SCAMP2: variants seen among roughly 807,000 people sequenced by gnomAD.
The protein encoded by SCAMP2 is secretory carrier-associated membrane protein 2.
A neutral mutation model predicts 44.1 loss-of-function variants in SCAMP2; 25 were observed. That is an observed-to-expected ratio of 0.57 (90% CI 0.41 to 0.79). SCAMP2 has a LOEUF of 0.79. Among genes scored for constraint, SCAMP2 ranks in the 30% least tolerant of loss-of-function variants. The probability of loss-of-function intolerance (pLI) is 0.00; values close to 1 mark genes in which losing one functional copy is unlikely to be tolerated. For missense variants in SCAMP2, 355 were observed against 411.0 expected (o/e 0.86, Z 1.18); for synonymous variants, 156 against 166.0 (o/e 0.94, Z 0.46).
chr15:74,857,555 A>G (rs2064475749), intron 1 of SCAMP2, among the ~76,000 whole-genome samples: 1 of 152,308 alleles, frequency 6.6e-6, no homozygotes, highest in East Asian at 1.9e-4. Flanking sequence ...CCACTCTGGT[A>G]GCAGTTTCAG....
intron 3 of SCAMP2, chr15:74,853,588 C>A (rs995371690): frequency 2.5e-6 from 1 of 396,610 alleles, no homozygotes; most frequent in Admixed American, 2.9e-5. Context: ...GAGCACCAGG[C>A]ACAAAGCAGG....
chr15:74,864,103 C>G (rs904208947), intron 1 of SCAMP2, among the ~76,000 whole-genome samples: 4 of 152,128 alleles, frequency 2.6e-5, no homozygotes, highest in African/African-American at 9.7e-5. Flanking sequence ...ACTCTGTCGT[C>G]CAGGCTGGAG....
At chr15:74,853,916 C>A in intron 3 of SCAMP2, 105 bp downstream of exon 3, 1 of 1,048,580 alleles carries the variant, frequency 9.5e-7, no homozygotes, top group Non-Finnish European at 1.5e-6. Flanking sequence ...CCTTAGGGGG[C>A]CAAGGCTGAA....
intron 1 of SCAMP2, among the ~76,000 whole-genome samples, chr15:74,867,606 G>C (rs1304371948): frequency 6.6e-6 from 1 of 152,302 alleles, no homozygotes; most frequent in East Asian, 1.9e-4. Flanking sequence ...GGTCAAGCTG[G>C]GGCCAACCCT....
intron 1 of SCAMP2, among the ~76,000 whole-genome samples, chr15:74,866,241 A>C (rs2064543470): frequency 1.3e-5 from 2 of 151,622 alleles, no homozygotes; most frequent in Non-Finnish European, 2.9e-5. Flanking sequence ...CTGGCCAAAC[A>C]AGCATGTGAG....
At chr15:74,849,011 G>A (rs186585607) in intron 6 of SCAMP2, among the ~76,000 whole-genome samples, 5 of 152,132 alleles carry the variant, frequency 3.3e-5, no homozygotes, top group East Asian at 3.9e-4. Flanking sequence ...CCAAGATCAC[G>A]CCACTGCACT....
At position 74,854,837 on chromosome 15, in the gene SCAMP2, C is replaced by A. The variant is rs554333984; in HGVS notation, c.58-188G>T. ...AGCTGCGGTCCCTTCTCCCTTCCCC[C>A]TTCCTGGAAAAGGTTCAGCCCAGAA... On this transcript the variant is annotated intron_variant, in intron 1 of 8. Transcript: ENST00000268099. Among the ~76,000 whole-genome samples the A allele has an allele frequency of 5.3e-5, 8 of 152,322 alleles. No homozygotes were observed. The South Asian group carries it at 1.5e-3, about 28-fold the overall frequency.
At chr15:74,856,306 G>A (rs183287691) in intron 1 of SCAMP2, among the ~76,000 whole-genome samples, 1,358 of 112,002 alleles carry the variant, frequency 0.012, 24 homozygotes, top group African/African-American at 0.045. Flanking sequence ...ACAGAGTCAC[G>A]CTCTGTCACC....
chr15:74,856,264 C>CTTTT (rs34812536), intron 1 of SCAMP2, among the ~76,000 whole-genome samples: 6 of 60,406 alleles, frequency 9.9e-5, no homozygotes, highest in African/African-American at 2.0e-4. Context: ...AGAGCCAGTT[C>CTTTT]TTTTTTTTTT....
intron 6 of SCAMP2, 118 bp downstream of exon 6, chr15:74,850,396 A>AC: frequency 1.0e-5 from 10 of 984,956 alleles, no homozygotes; most frequent in Non-Finnish European, 1.5e-5. Context: ...GGGAAAGTGG[A>AC]TTTCCCTACA....
Position 74,862,914 on chromosome 15 carries a change from A to G in SCAMP2, c.58-8265T>C, listed in dbSNP as rs1372711733. ...CACACACACATATTTTTAAAAAGAGAAAGAAAAAAAAATAGGCTGGACACA... is the reference window on the plus strand; with the variant it reads ...CACACACACATATTTTTAAAAAGAGGAAGAAAAAAAAATAGGCTGGACACA... On this transcript the variant is annotated intron_variant, in intron 1 of 8. Coordinates refer to ENST00000268099, the MANE Select transcript of SCAMP2 (RefSeq NM_005697.5). Among the ~76,000 whole-genome samples, 6 of 151,626 alleles carry G rather than the reference A, an allele frequency of 4.0e-5. No homozygotes were observed. The East Asian group carries it at 1.2e-3, about 29-fold the overall frequency.
At chr15:74,847,455 A>G (rs537797934) in intron 7 of SCAMP2, among the ~76,000 whole-genome samples, 60 of 152,312 alleles carry the variant, frequency 3.9e-4, no homozygotes, top group Middle Eastern at 3.4e-3. Context: ...CAGCTTTTCT[A>G]CCAGGGTCTT....
At chr15:74,852,431 C>G (rs1421751019) in intron 3 of SCAMP2, 1 of 367,158 alleles carries the variant, frequency 2.7e-6, no homozygotes, top group Non-Finnish European at 4.8e-6. Context: ...CTCCCCTCAT[C>G]CCTAAGCTTG....
At chr15:74,852,347 C>T (rs930829483) in intron 3 of SCAMP2, 161 bp from the exon 4 acceptor site, 1 of 440,330 alleles carries the variant, frequency 2.3e-6, no homozygotes, top group African/African-American at 2.0e-5. Flanking sequence ...TACCAGAGAC[C>T]ACCTTAGAGA....
Position 74,843,803 on chromosome 15 carries a change from GA to G in SCAMP2, c.*1279del, listed in dbSNP as rs1567245235. On this transcript the variant is annotated 3_prime_UTR_variant, in exon 9 of 9. Coordinates refer to ENST00000268099, the MANE Select transcript of SCAMP2 (RefSeq NM_005697.5). ...AACATATACATTTGTACATAGAGGG[GA>G]AAAAATACCAGAAAGGAGTTCATAA... is the stretch of plus-strand genomic sequence containing the variant. 6.6e-6 allele frequency: 1 copy of G among 152,074 alleles called. No individual in the cohort carries two copies. Among genetic ancestry groups the G allele is most frequent in the Non-Finnish European group, 1.5e-5 (1 of 68,014 alleles). 9.4% of individuals were successfully genotyped at this position (152,074 alleles called of 1,614,324 possible). A position where few individuals can be genotyped will look rare whatever the true frequency, so the allele number is the denominator to read the frequency against.
chr15:74,873,186 A>T lies in SCAMP2; in HGVS notation c.57+13T>A. 4.2e-6 allele frequency: 6 copies of T among 1,432,836 alleles called. No individual in the cohort carries two copies. The highest frequency in any genetic ancestry group is 5.5e-6 in the Non-Finnish European group (6 of 1,096,782). 88.8% of individuals were successfully genotyped at this position (1,432,836 alleles called of 1,614,324 possible). On this transcript the variant is annotated intron_variant, in intron 1 of 8. Coordinates refer to ENST00000268099, the MANE Select transcript of SCAMP2 (RefSeq NM_005697.5). ...GGAAATCTGAGAGCTGGATGGCGGG[A>T]GAGGGGCTCTACCTGGAAGGGGTTT... is the stretch of plus-strand genomic sequence containing the variant.
At position 74,845,510 on chromosome 15, in the gene SCAMP2, G is replaced by T; in HGVS notation, c.818C>A (p.Thr273Asn). The T allele has an allele frequency of 6.2e-7, 1 of 1,614,212 alleles. No individual in the cohort carries two copies. Among genetic ancestry groups the T allele is most frequent in the Non-Finnish European group, 8.5e-7 (1 of 1,180,038 alleles). ...VIMMVVAGFFTLCAVLSVFLL... is the reference protein window; with the variant it reads ...VIMMVVAGFFNLCAVLSVFLL... The stretch of plus-strand genomic sequence containing the variant: ...GAAGACTGAGAGCACGGCACAGAGG[G>T]TGAAGAAGCCAGCCACCACCATCAT... Residue 273 changes from threonine to asparagine, a missense_variant, in exon 8 of 9, where the codon ACC (threonine) becomes AAC (asparagine). Coordinates refer to ENST00000268099, the MANE Select transcript of SCAMP2 (RefSeq NM_005697.5).
chr15:74,848,593 G>T lies in SCAMP2; in HGVS notation c.734+7C>A, dbSNP rs750231553. On this transcript the variant is annotated splice_region_variant and intron_variant, in intron 7 of 8. Transcript: ENST00000268099. ...GCCTAATTCCCTCTGTGATGCCCAG[G>T]TCTCACCTGTCCCCCAGGCCAGGGA... The T allele has an allele frequency of 6.4e-7, 1 of 1,566,884 alleles. No homozygotes were observed. Among genetic ancestry groups the T allele is most frequent in the East Asian group, 2.2e-5 (1 of 44,638 alleles).
chr15:74,863,046 A>G (rs577798803), intron 1 of SCAMP2, among the ~76,000 whole-genome samples: 1 of 151,550 alleles, frequency 6.6e-6, no homozygotes, highest in East Asian at 1.9e-4. Context: ...CCGTCTCTAC[A>G]GAGAATACGA....
Sources: allele counts gnomAD v4.1 joint callset (sites outside exome capture counted in the v4.1 genomes callset), GRCh38; gene constraint gnomAD v4.1.1; transcripts MANE v1.5; gene names NCBI Gene and HGNC (gene_info 2026-07-23, HGNC 2026-07-21).